Variants in ZDHHC15 observed in about 807,000 individuals in gnomAD.
ZDHHC15 encodes the protein palmitoyltransferase ZDHHC15.
ZDHHC15 carries 19 observed loss-of-function variants against 31.7 expected under a neutral mutation model. The ratio of observed to expected loss-of-function variants is 0.60; its 90% confidence interval spans 0.42 to 0.88. The LOEUF is 0.88. ZDHHC15 is among the 40% of genes least tolerant of loss of function. ZDHHC15 has a pLI of 0.00. For synonymous variants in ZDHHC15, 103 were observed against 90.0 expected, an observed-to-expected ratio of 1.14 and a Z score of -0.82; for missense variants, 209 against 251.2, an observed-to-expected ratio of 0.83 and a Z score of 1.14.
At chrX:75,495,832 G>C (rs1302752772) in intron 2 of ZDHHC15, among the ~76,000 whole-genome samples, 1 of 106,611 alleles carries the variant, frequency 9.4e-6, no homozygotes, top group Non-Finnish European at 1.9e-5. Flanking sequence ...CCTAATGTTA[G>C]ATAATGATTT....
intron 3 of ZDHHC15, among the ~76,000 whole-genome samples, chrX:75,477,147 G>A (rs2084618343): frequency 9.0e-6 from 1 of 111,334 alleles, no homozygotes; most frequent in Non-Finnish European, 1.9e-5. Flanking sequence ...TGTTAAGCAT[G>A]TGTTTAATTT....
At chrX:75,518,844 CACAA>C (rs2085405822) in intron 1 of ZDHHC15, among the ~76,000 whole-genome samples, 1 of 61,608 alleles carries the variant, frequency 1.6e-5, no homozygotes, top group Non-Finnish European at 3.1e-5. Context: ...CACACACACA[CACAA>C]TAGACTATTA....
At chrX:75,518,769 GTATATATATATATATATATA>G (rs1162307795) in intron 1 of ZDHHC15, among the ~76,000 whole-genome samples, 1 of 32,586 alleles carries the variant, frequency 3.1e-5, no homozygotes, top group African/African-American at 1.8e-4. Flanking sequence ...TAACAAACTG[GTATATATATATATATATATA>G]TATATATATA....
intron 10 of ZDHHC15, among the ~76,000 whole-genome samples, chrX:75,414,589 C>A (rs1253929550): frequency 1.5e-5 from 1 of 67,274 alleles, no homozygotes; most frequent in Non-Finnish European, 2.9e-5. Flanking sequence ...GCAACCACGT[C>A]TGGCTATTTT....
chrX:75,475,150 A>C (rs1328940146), intron 3 of ZDHHC15, among the ~76,000 whole-genome samples: 1 of 112,500 alleles, frequency 8.9e-6, no homozygotes, highest in Admixed American at 9.4e-5. Flanking sequence ...TGTTTATCTA[A>C]CATATTACTT....
intron 2 of ZDHHC15, among the ~76,000 whole-genome samples, chrX:75,495,542 C>G (rs2084979725): frequency 9.0e-6 from 1 of 110,729 alleles, no homozygotes; most frequent in African/African-American, 3.3e-5. Flanking sequence ...AAATATCCAA[C>G]AATGATAGAC....
At chrX:75,508,231 G>C (rs985225491) in intron 1 of ZDHHC15, among the ~76,000 whole-genome samples, 3 of 107,590 alleles carry the variant, frequency 2.8e-5, no homozygotes, top group Non-Finnish European at 3.8e-5. Flanking sequence ...GTGCCATGTT[G>C]GTATGGTGCA....
At chrX:75,508,271 A>T (rs1359983177) in intron 1 of ZDHHC15, among the ~76,000 whole-genome samples, 1 of 99,898 alleles carries the variant, frequency 1.0e-5, no homozygotes, top group Non-Finnish European at 2.0e-5. Flanking sequence ...CATTAGGTAT[A>T]TCTCCTAATG....
intron 1 of ZDHHC15, among the ~76,000 whole-genome samples, chrX:75,521,299 T>C (rs1404259060): frequency 9.0e-6 from 1 of 110,981 alleles, no homozygotes; most frequent in Non-Finnish European, 1.9e-5. Context: ...GTGGAATCTC[T>C]TTTGAGAGGA....
At position 75,369,982 on chromosome X, in the gene ZDHHC15, T is replaced by A. The variant is rs1457187883; in HGVS notation, c.*2996A>T. On this transcript the variant is annotated 3_prime_UTR_variant, in exon 12 of 12. Transcript: ENST00000373367. ...TGTACCATGGGGAACAATTTTTTTA[T>A]TCTGTCTCTTTCTGAGGACGCTGTT... The A allele has an allele frequency of 9.0e-6, 1 of 111,624 alleles. No homozygotes were observed. The highest frequency in any genetic ancestry group is 1.9e-5 in the Non-Finnish European group (1 of 53,201). The allele number at this position is 111,624 out of a possible 1,213,427, so 9.2% of individuals were successfully genotyped here.
chrX:75,457,325 A>T (rs1425274096), intron 3 of ZDHHC15, among the ~76,000 whole-genome samples: 1 of 110,549 alleles, frequency 9.0e-6, no homozygotes, highest in Non-Finnish European at 1.9e-5. Context: ...GTCCATTAAA[A>T]AAAGAATTGG....
chrX:75,413,544 A>T (rs1439079447), intron 10 of ZDHHC15, among the ~76,000 whole-genome samples: 1 of 111,110 alleles, frequency 9.0e-6, no homozygotes, highest in Non-Finnish European at 1.9e-5. Context: ...GCATGCCTAT[A>T]GTCTCAGCTA....
chrX:75,419,285 C>A (rs1231653862), intron 9 of ZDHHC15, among the ~76,000 whole-genome samples: 1 of 111,497 alleles, frequency 9.0e-6, no homozygotes, highest in East Asian at 2.8e-4. Context: ...AAAAAGTGGG[C>A]GAAGGATATG....
At chrX:75,438,479 A>G (rs896948176) in intron 4 of ZDHHC15, among the ~76,000 whole-genome samples, 6 of 110,682 alleles carry the variant, frequency 5.4e-5, no homozygotes, top group Admixed American at 3.9e-4. Context: ...AGAATAGCTA[A>G]CCCTGCATAT....
chrX:75,438,456 G>GT (rs35057131), intron 4 of ZDHHC15, among the ~76,000 whole-genome samples: 190 of 108,280 alleles, frequency 1.8e-3, no homozygotes, highest in African/African-American at 6.1e-3. Context: ...TTTAAAGTCT[G>GT]TTTTTTTTTC....
chrX:75,516,929 T>C (rs1358961789), intron 1 of ZDHHC15, among the ~76,000 whole-genome samples: 9 of 112,099 alleles, frequency 8.0e-5, no homozygotes, highest in Middle Eastern at 4.6e-3. Flanking sequence ...GGGCAAAGGA[T>C]ATGAACAGAC....
intron 4 of ZDHHC15, among the ~76,000 whole-genome samples, chrX:75,443,756 C>T (rs2083983429): frequency 8.9e-6 from 1 of 111,898 alleles, no homozygotes; most frequent in Admixed American, 9.5e-5. Context: ...ACAAAGAACT[C>T]AAACCAATTT....
intron 10 of ZDHHC15, among the ~76,000 whole-genome samples, chrX:75,393,681 C>T (rs748818595): frequency 1.8e-5 from 2 of 111,742 alleles, no homozygotes; most frequent in South Asian, 3.7e-4. Flanking sequence ...AAAAGAACTC[C>T]ATCCTTAATA....
At chrX:75,493,117 C>T (rs1434407125) in intron 2 of ZDHHC15, among the ~76,000 whole-genome samples, 1 of 111,685 alleles carries the variant, frequency 9.0e-6, no homozygotes, top group Admixed American at 9.5e-5. Flanking sequence ...ACTGATCCCA[C>T]AGAAATACAA....
Sources: allele counts gnomAD v4.1 joint callset (sites outside exome capture counted in the v4.1 genomes callset), GRCh38; gene constraint gnomAD v4.1.1; transcripts MANE v1.5; gene names NCBI Gene and HGNC (gene_info 2026-07-23, HGNC 2026-07-21).